SERPINA7: variants seen among roughly 807,000 people sequenced by gnomAD.
SERPINA7 encodes serpin family A member 7.
SERPINA7 carries 14 observed loss-of-function variants against 16.0 expected under a neutral mutation model. The observed-to-expected ratio is 0.88, with a 90% CI of 0.58 to 1.37. SERPINA7 has a LOEUF of 1.37. SERPINA7 is among the 40% of genes most tolerant of loss of function. SERPINA7 has a pLI of 0.00. For missense variants in SERPINA7, 335 were observed against 296.6 expected (o/e 1.13, Z -0.95); for synonymous variants, 140 against 111.0 (o/e 1.26, Z -1.65).
At chrX:106,037,586 A>G (rs1273446319) in intron 1 of SERPINA7, among the ~76,000 whole-genome samples, 1 of 111,283 alleles carries the variant, frequency 9.0e-6, no homozygotes, top group African/African-American at 3.3e-5. Flanking sequence ...AATTTGTACA[A>G]TATATGATTA....
intron 2 of SERPINA7, 130 bp from the exon 3 acceptor site, chrX:106,035,515 T>C (rs1390200787): frequency 8.1e-6 from 5 of 617,327 alleles, no homozygotes; most frequent in Non-Finnish European, 1.3e-5. Context: ...CAACCAGTTT[T>C]ACAAGTGACT....
intron 3 of SERPINA7, 99 bp from the exon 4 acceptor site, chrX:106,034,481 C>T: frequency 1.3e-6 from 1 of 747,993 alleles, no homozygotes; most frequent in Non-Finnish European, 2.1e-6. Context: ...GACTCTGCTT[C>T]TTCCCTGAGT....
intron 3 of SERPINA7, 50 bp downstream of exon 3, chrX:106,035,062 C>A (rs1569337068): frequency 8.3e-7 from 1 of 1,198,545 alleles, no homozygotes; most frequent in Non-Finnish European, 1.1e-6. Flanking sequence ...CTCTGTCTCA[C>A]CTGCACTTTT....
chrX:106,033,132 A>T lies in SERPINA7; in HGVS notation c.*368T>A, dbSNP rs1043830552. ...GCATTGTTTTATGTCCATTGATCTT[A>T]TTGGAGTACTGGGATACGAAGACCT... is the stretch of plus-strand genomic sequence containing the variant. On this transcript the variant is annotated 3_prime_UTR_variant, in exon 5 of 5. Transcript: ENST00000372563. 8.1e-6 allele frequency: 2 copies of T among 248,175 alleles called. No individual in the cohort carries two copies. Among genetic ancestry groups the T allele is most frequent in the Non-Finnish European group, 1.5e-5 (2 of 136,809 alleles). 20.5% of individuals were successfully genotyped at this position (248,175 alleles called of 1,213,427 possible). A position where few individuals can be genotyped will look rare whatever the true frequency, so the allele number is the denominator to read the frequency against.
chrX:106,036,528 C>T lies in SERPINA7; in HGVS notation c.531G>A (p.Val177=). ...CAACTTTCCCTTTGGTTTGCATCTCCACATGACTGTTAATCTCCTGCTTGG... is the reference window on the plus strand; with the variant it reads ...CAACTTTCCCTTTGGTTTGCATCTCTACATGACTGTTAATCTCCTGCTTGG... The part of the protein sequence containing the change: ...SAAKQEINSH[V]EMQTKGKVVG... Residue 177 remains valine, a synonymous_variant, in exon 2 of 5, where the codon GTG becomes GTA. Coordinates refer to ENST00000372563, the MANE Select transcript of SERPINA7 (RefSeq NM_000354.6). 8.3e-7 allele frequency: 1 copy of T among 1,211,206 alleles called. No individual in the cohort carries two copies. The highest frequency in any genetic ancestry group is 1.1e-6 in the Non-Finnish European group (1 of 895,126).
In SERPINA7 at chrX:106,034,529, C is replaced by T. The variant is rs980435473; in HGVS notation, c.897-147G>A. On this transcript the variant is annotated intron_variant, in intron 3 of 4. Coordinates refer to ENST00000372563, the MANE Select transcript of SERPINA7 (RefSeq NM_000354.6). ...TACTATGTAAGTCAATACATGGCAC[C>T]AAACTCACAGAAGTTATTCTGAAAG... 10 of 548,967 alleles carry T rather than the reference C, an allele frequency of 1.8e-5. No homozygotes were observed. In the African/African-American group the frequency reaches 2.3e-4, roughly 13 times the overall value. 45.2% of individuals were successfully genotyped at this position (548,967 alleles called of 1,213,427 possible). A position where few individuals can be genotyped will look rare whatever the true frequency, so the allele number is the denominator to read the frequency against.
rs1556011144 is a variant in SERPINA7 at position 106,036,377 on chromosome X, C to T, written c.622+60G>A. The T allele has an allele frequency of 5.8e-5, 68 of 1,169,691 alleles. No individual in the cohort carries two copies. The South Asian group carries it at 1.1e-3, about 18-fold the overall frequency. On this transcript the variant is annotated intron_variant, in intron 2 of 4. Coordinates refer to ENST00000372563, the MANE Select transcript of SERPINA7 (RefSeq NM_000354.6). ...CAGTAATAAGAGACCATGAGCTCCCCTCAGCACTCCACCCAAGTATCTGAG... is the reference window on the plus strand; with the variant it reads ...CAGTAATAAGAGACCATGAGCTCCCTTCAGCACTCCACCCAAGTATCTGAG...
chrX:106,037,789 A>G lies in SERPINA7; in HGVS notation c.-17-714T>C, dbSNP rs185130645. Among the ~76,000 whole-genome samples, 167 of 112,009 alleles carry G rather than the reference A, an allele frequency of 1.5e-3. 2 individuals carry two copies. Among genetic ancestry groups the G allele is most frequent in the African/African-American group, 5.4e-3 (166 of 30,919 alleles). On this transcript the variant is annotated intron_variant, in intron 1 of 4. Coordinates refer to ENST00000372563, the MANE Select transcript of SERPINA7 (RefSeq NM_000354.6). ...TAAACAGTCATTTCTAAGTTGTAAG[A>G]CATCTTAACACTATTATTCTTACAC...
In SERPINA7 at chrX:106,033,414, G is replaced by T; in HGVS notation, c.*86C>A. On this transcript the variant is annotated 3_prime_UTR_variant, in exon 5 of 5. Coordinates refer to ENST00000372563, the MANE Select transcript of SERPINA7 (RefSeq NM_000354.6). Reference sequence around the variant, plus strand: ...CCATCATAAGGGAATGCAAGTCCAAGCTCACATCAATCACACCAGGCTATA... The same window carrying T: ...CCATCATAAGGGAATGCAAGTCCAATCTCACATCAATCACACCAGGCTATA... 1 of 1,076,390 alleles carries T rather than the reference G, an allele frequency of 9.3e-7. No homozygotes were observed. The highest frequency in any genetic ancestry group is 2.2e-5 in the Admixed American group (1 of 45,716). The allele number at this position is 1,076,390 out of a possible 1,213,427, so 88.7% of individuals were successfully genotyped here.
At chrX:106,035,408 GGT>G in intron 2 of SERPINA7, 23 bp from the exon 3 acceptor site, 1 of 1,200,562 alleles carries the variant, frequency 8.3e-7, no homozygotes, top group Non-Finnish European at 1.1e-6. Context: ...AGAAAAGAGA[GGT>G]GTTTATTTTA....
rs151001785 is a variant in SERPINA7, at chrX:106,034,263, G to A, written c.1016C>T (p.Thr339Ile). 8.3e-6 allele frequency: 10 copies of A among 1,208,935 alleles called. No homozygotes were observed. The African/African-American group carries it at 1.7e-4, about 21-fold the overall frequency. Residue 339 changes from threonine to isoleucine, a missense_variant, in exon 4 of 5, where the codon ACA becomes ATA. Thr to Ile is a moderately conservative substitution (Grantham distance 89). Coordinates refer to ENST00000372563, the MANE Select transcript of SERPINA7 (RefSeq NM_000354.6). The part of the protein sequence containing the change: ...YSENADFSGL[T>I]EDNGLKLSNA... ...GGAAAGTTTCAGACCATTGTCCTCT[G>A]TGAGTCCAGAAAAATCAGCATTTTC...
At chrX:106,037,868 G>T (rs2041463824) in intron 1 of SERPINA7, among the ~76,000 whole-genome samples, 1 of 111,431 alleles carries the variant, frequency 9.0e-6, no homozygotes, top group Admixed American at 9.5e-5. Context: ...TAAGGTGTAA[G>T]GTTCTCTGAT....
In SERPINA7 at chrX:106,035,318, G is replaced by A; in HGVS notation, c.690C>T (p.Thr230=). The A allele has an allele frequency of 8.3e-7, 1 of 1,210,093 alleles. No individual in the cohort carries two copies. The highest frequency in any genetic ancestry group is 1.1e-6 in the Non-Finnish European group (1 of 893,978). Residue 230 remains threonine, a synonymous_variant, in exon 3 of 5, where the codon ACC becomes ACT. Transcript: ENST00000372563. The stretch of plus-strand genomic sequence containing the variant: ...GCATCATGGGCACTTGAACAGTGGT[G>A]GTCTTGTCTATTAAGAAGCTGGAAC... ...EDSSSFLIDK[T]TTVQVPMMHQ...
In SERPINA7 at chrX:106,034,366, C is replaced by G. The variant is rs1009976334; in HGVS notation, c.913G>C (p.Val305Leu). The G allele has an allele frequency of 2.5e-6, 3 of 1,206,931 alleles. No individual in the cohort carries two copies. The highest frequency in any genetic ancestry group is 4.4e-5 in the Admixed American group (2 of 45,966). Residue 305 changes from valine (V) to leucine (L), a missense_variant, in exon 4 of 5, where the codon GTT becomes CTT. Coordinates refer to ENST00000372563, the MANE Select transcript of SERPINA7 (RefSeq NM_000354.6). ...GTGGCAGAAATGGAAAACTTTGGAACAAACAAGTCAACCCATCTGTGGGAA... is the reference window on the plus strand; with the variant it reads ...GTGGCAGAAATGGAAAACTTTGGAAGAAACAAGTCAACCCATCTGTGGGAA... ...LLQKGWVDLF[V>L]PKFSISATYD... is the part of the protein sequence containing the mutation.
chrX:106,034,958 C>T, intron 3 of SERPINA7, 154 bp downstream of exon 3: 1 of 674,625 alleles, frequency 1.5e-6, no homozygotes, highest in Non-Finnish European at 2.4e-6. Flanking sequence ...CAGCCAAGGG[C>T]CTGGTAGACA....
At chrX:106,037,409 T>C (rs2041460323) in intron 1 of SERPINA7, 1 of 217,425 alleles carries the variant, frequency 4.6e-6, no homozygotes, top group African/African-American at 2.9e-5. Context: ...AGGCAGCCTT[T>C]TGGAGAGAGG....
Position 106,035,402 on chromosome X carries a change from A to T in SERPINA7, c.623-17T>A, listed in dbSNP as rs1460416815. The T allele has an allele frequency of 8.3e-7, 1 of 1,203,172 alleles. No homozygotes were observed. The highest frequency in any genetic ancestry group is 1.1e-6 in the Non-Finnish European group (1 of 887,793). ...CCCACTGGGCTTAAAATACAAAGAAAAGAGAGGTGTTTATTTTAAACCGGT... is the reference window on the plus strand; with the variant it reads ...CCCACTGGGCTTAAAATACAAAGAATAGAGAGGTGTTTATTTTAAACCGGT... On this transcript the variant is annotated splice_polypyrimidine_tract_variant and intron_variant, in intron 2 of 4. Transcript: ENST00000372563.
chrX:106,034,084 G>A (rs966943880), intron 4 of SERPINA7, 151 bp downstream of exon 4: 9 of 555,584 alleles, frequency 1.6e-5, no homozygotes, highest in Non-Finnish European at 2.1e-5. Flanking sequence ...TGGAGTAATG[G>A]GAATGACTCT....
At position 106,036,669 on chromosome X, in the gene SERPINA7, T is replaced by C. The variant is rs1160612325; in HGVS notation, c.390A>G (p.Ile130Met). 2 of 1,211,080 alleles carry C rather than the reference T, an allele frequency of 1.7e-6. No homozygotes were observed. Among genetic ancestry groups the C allele is most frequent in the Non-Finnish European group, 2.2e-6 (2 of 895,168 alleles). The change falls in exon 2 of 5, where the codon ATA becomes ATG. Residue 130 changes from isoleucine (I) to methionine (M), a missense_variant. Ile to Met is a conservative substitution (Grantham distance 10). Coordinates refer to ENST00000372563, the MANE Select transcript of SERPINA7 (RefSeq NM_000354.6). ...NFPKKELELQ[I>M]GNALFIGKHL... ...GCTTGCCAATGAAGAGGGCATTTCC[T>C]ATCTGCAATTCCAGTTCCTTCTTTG...
Sources: gnomAD v4.1 joint callset for allele counts (sites outside exome capture counted in the v4.1 genomes callset) on GRCh38, gnomAD v4.1.1 for gene constraint, MANE v1.5 for transcripts, NCBI Gene and HGNC (gene_info 2026-07-23, HGNC 2026-07-21) for gene names.